MARCHF5: variants seen among roughly 807,000 people sequenced by gnomAD.
The protein encoded by MARCHF5 is membrane associated ring-CH-type finger 5, also known as E3 ubiquitin-protein ligase MARCHF5.
In MARCHF5, 5 loss-of-function variants were observed where a neutral mutation model predicts 36.5. The ratio of observed to expected loss-of-function variants is 0.14; its 90% CI spans 0.07 to 0.29. The LOEUF (loss-of-function observed/expected upper bound fraction) is 0.29. Among genes scored for constraint, MARCHF5 ranks in the 10% least tolerant of loss-of-function variants. The pLI is 1.00. For missense variants in MARCHF5, 179 were observed against 336.3 expected, an observed-to-expected ratio of 0.53 and a Z score of 3.66; for synonymous variants, 103 against 109.9, an observed-to-expected ratio of 0.94 and a Z score of 0.39.
intron 2 of MARCHF5, among the ~76,000 whole-genome samples, chr10:92,316,656 G>A (rs924636060): frequency 3.3e-5 from 5 of 152,124 alleles, no homozygotes; most frequent in Non-Finnish European, 7.4e-5. Flanking sequence ...TCAGACTCCT[G>A]GGCTCAAGCA....
chr10:92,347,512 A>G (rs1268151834), intron 3 of MARCHF5, among the ~76,000 whole-genome samples: 8 of 42,182 alleles, frequency 1.9e-4, no homozygotes, highest in Non-Finnish European at 4.2e-4. Flanking sequence ...ATAGATAGAT[A>G]GATAGATAGA....
chr10:92,319,583 C>A (rs970635571), intron 2 of MARCHF5, among the ~76,000 whole-genome samples: 2 of 144,014 alleles, frequency 1.4e-5, no homozygotes, highest in South Asian at 4.5e-4. Flanking sequence ...CGTGAGCCAC[C>A]GCGCCCGGCC....
chr10:92,346,783 C>T lies in MARCHF5; in HGVS notation c.370-2566C>T, dbSNP rs1258981348. ...CAATTGTGAGTCACAGTGCCCAACC[C>T]CTACTTCCTTTTTGTTTCCTTATTC... On this transcript the variant is annotated intron_variant, in intron 3 of 5. Coordinates refer to ENST00000358935, the MANE Select transcript of MARCHF5 (RefSeq NM_017824.5). Among the ~76,000 whole-genome samples, 3 of 151,908 alleles carry T rather than the reference C, an allele frequency of 2.0e-5. No individual in the cohort carries two copies. In the East Asian group the frequency reaches 5.8e-4, roughly 29 times the overall value.
At chr10:92,327,570 C>T (rs1029073407) in intron 2 of MARCHF5, among the ~76,000 whole-genome samples, 2 of 152,156 alleles carry the variant, frequency 1.3e-5, no homozygotes, top group African/African-American at 4.8e-5. Context: ...GCATTTATAA[C>T]ATAATGGATA....
At chr10:92,298,612 C>T (rs1842975103) in intron 1 of MARCHF5, among the ~76,000 whole-genome samples, 1 of 152,180 alleles carries the variant, frequency 6.6e-6, no homozygotes, top group African/African-American at 2.4e-5. Flanking sequence ...GGCTCTGTCG[C>T]CCAGGCTGGA....
At chr10:92,334,313 C>T (rs187880234) in intron 2 of MARCHF5, 31 of 152,306 alleles carry the variant, frequency 2.0e-4, no homozygotes, top group Admixed American at 1.6e-3. Flanking sequence ...CTTGTTGAAT[C>T]TCTTTTATAA....
chr10:92,300,019 A>T (rs1358156336), intron 1 of MARCHF5, among the ~76,000 whole-genome samples: 1 of 151,944 alleles, frequency 6.6e-6, no homozygotes, highest in Non-Finnish European at 1.5e-5. Flanking sequence ...AAAAGTAACC[A>T]GTGTAGTGGT....
At position 92,351,902 on chromosome 10, in the gene MARCHF5, G is replaced by A. The variant is rs1358329822; in HGVS notation, c.*695G>A. The stretch of plus-strand genomic sequence containing the variant: ...TGAAGTAATTTTGACTCATGCAGTC[G>A]TGTGTGTGTGTGTGTGTGTGTGTGT... On this transcript the variant is annotated 3_prime_UTR_variant, in exon 6 of 6. Transcript: ENST00000358935. 2.9e-4 allele frequency: 1 copy of A among 3,394 alleles called. No homozygotes were observed. Among genetic ancestry groups the A allele is most frequent in the South Asian group, 0.036 (1 of 28 alleles). The allele number at this position is 3,394 out of a possible 1,614,324, so 0.2% of individuals were successfully genotyped here. A position where few individuals can be genotyped will look rare whatever the true frequency, so the allele number is the denominator to read the frequency against.
intron 2 of MARCHF5, chr10:92,334,501 C>G (rs538261053): frequency 7.2e-5 from 11 of 152,412 alleles, no homozygotes; most frequent in Non-Finnish European, 1.5e-4. Flanking sequence ...ACTAATTGAT[C>G]ACAACCAGTT....
At chr10:92,318,009 C>G (rs1050429540) in intron 2 of MARCHF5, among the ~76,000 whole-genome samples, 2 of 152,064 alleles carry the variant, frequency 1.3e-5, no homozygotes, top group East Asian at 3.9e-4. Context: ...CCTAAGCCTC[C>G]CAAAGTGCTG....
intron 2 of MARCHF5, among the ~76,000 whole-genome samples, chr10:92,322,439 CTTTT>C (rs575122002): frequency 3.3e-5 from 4 of 120,454 alleles, no homozygotes; most frequent in Non-Finnish European, 3.5e-5. Context: ...TCTTTTTGTC[CTTTT>C]TTTTTTTTTT....
chr10:92,305,120 T>C (rs1276734785), intron 1 of MARCHF5, among the ~76,000 whole-genome samples: 1 of 152,058 alleles, frequency 6.6e-6, no homozygotes, highest in African/African-American at 2.4e-5. Flanking sequence ...GTTAAGAATA[T>C]TTACAGGGCC....
chr10:92,297,513 G>C (rs1400974624), intron 1 of MARCHF5, among the ~76,000 whole-genome samples: 14 of 122,306 alleles, frequency 1.1e-4, no homozygotes, highest in African/African-American at 4.5e-4. Flanking sequence ...TTTTGAGACA[G>C]AGTCTCACCC....
intron 3 of MARCHF5, among the ~76,000 whole-genome samples, chr10:92,343,806 T>A (rs923069032): frequency 6.6e-6 from 1 of 152,190 alleles, no homozygotes; most frequent in African/African-American, 2.4e-5. Context: ...TGACCTTAGA[T>A]GATCTGCCTG....
In MARCHF5 at chr10:92,349,819, T is replaced by C; in HGVS notation, c.702T>C (p.Asn234=). The C allele has an allele frequency of 6.2e-7, 1 of 1,612,914 alleles. No homozygotes were observed. Among genetic ancestry groups the C allele is most frequent in the Non-Finnish European group, 8.5e-7 (1 of 1,179,358 alleles). ...GKLMFSSVNS[N]LQRTILGGIA... ...TGATGTTCAGTAGTGTTAACTCTAA[T>C]TTACAAAGGACAATCTTGGTAAGAC... The change falls in exon 5 of 6, where the codon AAT becomes AAC. Residue 234 remains asparagine, a synonymous_variant. Coordinates refer to ENST00000358935, the MANE Select transcript of MARCHF5 (RefSeq NM_017824.5).
chr10:92,335,202 C>A (rs1434797957), intron 2 of MARCHF5, among the ~76,000 whole-genome samples: 2 of 152,132 alleles, frequency 1.3e-5, no homozygotes, highest in African/African-American at 4.8e-5. Context: ...TTTCTACTTC[C>A]CATAACTTTT....
At chr10:92,321,934 G>A (rs566319116) in intron 2 of MARCHF5, among the ~76,000 whole-genome samples, 2 of 151,162 alleles carry the variant, frequency 1.3e-5, no homozygotes, top group African/African-American at 4.9e-5. Context: ...TTTTTTTCTG[G>A]TCAGTCTAGC....
At chr10:92,320,772 G>A (rs920871371) in intron 2 of MARCHF5, among the ~76,000 whole-genome samples, 1 of 152,032 alleles carries the variant, frequency 6.6e-6, no homozygotes, top group Admixed American at 6.6e-5. Flanking sequence ...AAAAGTTACA[G>A]TAAGCTAAGG....
intron 5 of MARCHF5, 98 bp downstream of exon 5, chr10:92,349,935 G>A (rs1458227166): frequency 4.2e-6 from 4 of 952,346 alleles, no homozygotes; most frequent in Non-Finnish European, 6.3e-6. Context: ...TCGGTCTGTG[G>A]CTCCTATGCA....
Sources: allele counts gnomAD v4.1 joint callset (sites outside exome capture counted in the v4.1 genomes callset), GRCh38; gene constraint gnomAD v4.1.1; transcripts MANE v1.5; gene names NCBI Gene and HGNC (gene_info 2026-07-23, HGNC 2026-07-21).